TREH: variants seen among roughly 807,000 people sequenced by gnomAD.
TREH encodes the protein trehalase, also known as alpha,alpha-trehalose glucohydrolase.
TREH carries 69 observed loss-of-function variants against 80.5 expected under a neutral mutation model. The ratio of observed to expected loss-of-function variants is 0.86; its 90% confidence interval spans 0.71 to 1.05. The LOEUF (loss-of-function observed/expected upper bound fraction) is 1.05, where lower values mean the gene tolerates loss of function less well. Among genes scored for constraint, TREH ranks in the 50% least tolerant of loss-of-function variants. The pLI, the probability that TREH is intolerant of heterozygous loss-of-function variation, is 0.00. For synonymous variants in TREH, 309 were observed against 293.5 expected (o/e 1.05, Z -0.54); for missense variants, 716 against 718.8 (o/e 1.00, Z 0.04).
intron 4 of TREH, 144 bp from the exon 5 acceptor site, chr11:118,662,134 AT>A: frequency 1.5e-6 from 1 of 661,852 alleles, no homozygotes; most frequent in Non-Finnish European, 2.6e-6. Flanking sequence ...CTACTCAGCC[AT>A]GTAATCAAGG....
rs376837165 is a variant in TREH, at chr11:118,661,465, C to T, written c.662G>A (p.Arg221Gln). 1.2e-5 allele frequency: 19 copies of T among 1,613,824 alleles called. No homozygotes were observed. The highest frequency in any genetic ancestry group is 6.7e-5 in the Admixed American group (4 of 60,004). The change falls in exon 7 of 15, where the codon CGG becomes CAG. Residue 221 changes from arginine (R) to glutamine (Q), a missense_variant. Coordinates refer to ENST00000264029, the MANE Select transcript of TREH (RefSeq NM_007180.3). This position sits in a 1 kb window ranked among gnomAD's most constrained non-coding sequence, Gnocchi z 4.2. ...GAGGGTCAAGAGTGGGGGCTGGCTC[C>T]GCTGCAGGTAGTACACGCGCCCACC... Reference protein sequence around the residue: ...PNGGRVYYLQRSQPPLLTLMM... With the variant: ...PNGGRVYYLQQSQPPLLTLMM...
rs781808341 is a variant in TREH at position 118,663,392 on chromosome 11, T to C, written c.137A>G (p.Lys46Arg). The C allele has an allele frequency of 4.4e-6, 7 of 1,597,222 alleles. No homozygotes were observed. In the African/African-American group the frequency reaches 8.0e-5, roughly 18 times the overall value. ...AAACTGCTTGTCATCCTGGTAGAGC[T>C]TGGCCATTTGAACTTGGTTTAGGAG... The part of the protein sequence containing the change: ...GELLNQVQMA[K>R]LYQDDKQFVD... The change falls in exon 2 of 15, where the codon AAG (lysine) becomes AGG (arginine). Residue 46 changes from lysine to arginine, a missense_variant. Coordinates refer to ENST00000264029, the MANE Select transcript of TREH (RefSeq NM_007180.3).
rs1949330024 is a variant in TREH, at chr11:118,662,055, T to TG, written c.424-66dup. The TG allele has an allele frequency of 5.1e-6, 7 of 1,363,166 alleles. No homozygotes were observed. The African/African-American group carries it at 1.0e-4, about 20-fold the overall frequency. 84.4% of individuals were successfully genotyped at this position (1,363,166 alleles called of 1,614,324 possible). ...CACGGAAGCAGAGGCTACAGGCAGC[T>TG]GGGGGATCTGAGGCCCCGGGAGTCA... On this transcript the variant is annotated intron_variant, in intron 4 of 14. Transcript: ENST00000264029.
intron 1 of TREH, among the ~76,000 whole-genome samples, chr11:118,677,954 T>A (rs1481633740): frequency 6.6e-6 from 1 of 152,176 alleles, no homozygotes; most frequent in African/African-American, 2.4e-5. Context: ...TTCCCCTTTA[T>A]ATTCCACAAT....
At chr11:118,659,548 G>A in intron 11 of TREH, 67 bp from the exon 12 acceptor site, 2 of 1,430,988 alleles carry the variant, frequency 1.4e-6, no homozygotes, top group Non-Finnish European at 1.9e-6. Flanking sequence ...CAGGACGCTG[G>A]ACCCCGCGGG....
intron 1 of TREH, among the ~76,000 whole-genome samples, chr11:118,675,033 G>A (rs187921131): frequency 2.0e-4 from 31 of 151,706 alleles, no homozygotes; most frequent in African/African-American, 6.8e-4. Flanking sequence ...CTTCTTCTTA[G>A]TATACATTTC....
At chr11:118,676,612 C>T (rs185316524) in intron 1 of TREH, among the ~76,000 whole-genome samples, 2 of 152,018 alleles carry the variant, frequency 1.3e-5, no homozygotes, top group African/African-American at 4.8e-5. Flanking sequence ...ACTAAAAATA[C>T]AAAAATTAGC....
At chr11:118,662,047 C>T in intron 4 of TREH, 57 bp from the exon 5 acceptor site, 1 of 1,422,852 alleles carries the variant, frequency 7.0e-7, no homozygotes, top group Non-Finnish European at 9.7e-7. Context: ...GCAGAGGCTA[C>T]AGGCAGCTGG....
In TREH at chr11:118,660,709, T is replaced by G; in HGVS notation, c.932A>C (p.Glu311Ala). 1 of 1,592,866 alleles carries G rather than the reference T, an allele frequency of 6.3e-7. No homozygotes were observed. The highest frequency in any genetic ancestry group is 1.1e-5 in the South Asian group (1 of 87,854). The change falls in exon 10 of 15, where the codon GAG becomes GCG. Residue 311 changes from glutamate to alanine, a missense_variant. By Grantham distance (107) the Glu-to-Ala change is moderately radical. Coordinates refer to ENST00000264029, the MANE Select transcript of TREH (RefSeq NM_007180.3). ...GCCAGACTCAGCCCCAGCCTTGAGC[T>G]CAGCCCACAGAGCCTCCCGGTCTCC... Reference protein sequence around the residue: ...PEGDREALWAELKAGAESGWD... With the variant: ...PEGDREALWAALKAGAESGWD...
At chr11:118,659,046 C>G in intron 12 of TREH, 29 bp from the exon 13 acceptor site, 1 of 1,601,166 alleles carries the variant, frequency 6.2e-7, no homozygotes, top group Non-Finnish European at 8.6e-7. Context: ...AGGACTCAAC[C>G]TCCAGGTCTC....
At chr11:118,659,282 G>A (rs1202355219) in intron 12 of TREH, 88 bp downstream of exon 12, 1 of 1,163,758 alleles carries the variant, frequency 8.6e-7, no homozygotes, top group East Asian at 2.6e-5. Context: ...GGCCTCTTGT[G>A]TCTTTTGTTC....
In TREH at chr11:118,661,951, G is replaced by T. The variant is rs1949328591; in HGVS notation, c.463C>A (p.Leu155Ile). Residue 155 changes from leucine to isoleucine, a missense_variant, in exon 5 of 15, where the codon CTC becomes ATC. Physicochemically the swap from Leu to Ile is conservative, Grantham distance 5. Coordinates refer to ENST00000264029, the MANE Select transcript of TREH (RefSeq NM_007180.3). This position sits in a 1 kb window ranked among gnomAD's most constrained non-coding sequence, Gnocchi z 4.2. Reference sequence around the variant, plus strand: ...ATGAAGGGATGTTCTGAGTAGATGAGAGAGAACCGCTCAGGGTGGCTGAGA... The same window carrying T: ...ATGAAGGGATGTTCTGAGTAGATGATAGAGAACCGCTCAGGGTGGCTGAGA... ...EVLSHPERFS[L>I]IYSEHPFIVP... 1 of 1,555,522 alleles carries T rather than the reference G, an allele frequency of 6.4e-7. No individual in the cohort carries two copies. The highest frequency in any genetic ancestry group is 8.7e-7 in the Non-Finnish European group (1 of 1,149,288).
intron 1 of TREH, among the ~76,000 whole-genome samples, chr11:118,668,805 T>C (rs1208857798): frequency 2.0e-5 from 3 of 151,790 alleles, no homozygotes; most frequent in Non-Finnish European, 4.4e-5. Flanking sequence ...CCAGGCGTGG[T>C]GGTGCATGCC....
intron 1 of TREH, among the ~76,000 whole-genome samples, chr11:118,675,462 C>A (rs1448507080): frequency 6.6e-6 from 1 of 152,138 alleles, no homozygotes; most frequent in African/African-American, 2.4e-5. Context: ...TTCCCATAAC[C>A]CTTTCAGATT....
chr11:118,671,086 A>G (rs1328425483), intron 1 of TREH, among the ~76,000 whole-genome samples: 2 of 152,164 alleles, frequency 1.3e-5, no homozygotes, highest in African/African-American at 4.8e-5. Flanking sequence ...TCCCATTCAT[A>G]TAGGGCAGGC....
At position 118,658,974 on chromosome 11, in the gene TREH, G is replaced by GCTTT. The variant is rs782212660; in HGVS notation, c.1475_1476insAAAG (p.Phe492LeufsTer14). 13 of 1,613,798 alleles carry GCTTT rather than the reference G, an allele frequency of 8.1e-6. No homozygotes were observed. The highest frequency in any genetic ancestry group is 1.3e-5 in the African/African-American group (1 of 74,914). On this transcript the variant is annotated frameshift_variant, in exon 13 of 15. Coordinates refer to ENST00000264029, the MANE Select transcript of TREH (RefSeq NM_007180.3). LOFTEE classifies it high-confidence loss of function. ...TTCGGATCCAATTCTGAGCCAGCTG[G>GCTTT]AAAGCCACTTCCTGGGCCCGACGTA...
At chr11:118,663,278 C>T (rs1208831092) in intron 2 of TREH, 61 bp downstream of exon 2, 2 of 1,562,712 alleles carry the variant, frequency 1.3e-6, no homozygotes, top group Non-Finnish European at 1.7e-6. Flanking sequence ...CTTGGTCTTG[C>T]CCCCTGCCTT....
chr11:118,677,307 C>A (rs1392012189), intron 1 of TREH, among the ~76,000 whole-genome samples: 5 of 152,234 alleles, frequency 3.3e-5, no homozygotes, highest in African/African-American at 1.2e-4. Flanking sequence ...CTGGAAAAAT[C>A]AAGTCCTGTC....
chr11:118,679,255 C>A (rs660489), intron 1 of TREH, among the ~76,000 whole-genome samples: 52,925 of 151,614 alleles, frequency 0.35, 9,507 homozygotes, highest in Admixed American at 0.48. Flanking sequence ...GAGAATCTCT[C>A]GAACCCGGGA....
Sources: allele counts gnomAD v4.1 joint callset (sites outside exome capture counted in the v4.1 genomes callset), GRCh38; gene constraint gnomAD v4.1.1; non-coding constraint Gnocchi (gnomAD v3.1); transcripts MANE v1.5; gene names NCBI Gene and HGNC (gene_info 2026-07-23, HGNC 2026-07-21).